The following ARHGEF19 variants were observed in gnomAD, a reference collection of about 807,000 sequenced individuals.
ARHGEF19 encodes Rho guanine nucleotide exchange factor (GEF) 19.
ARHGEF19 carries 92 observed loss-of-function variants against 87.6 expected under a neutral mutation model. That is an observed-to-expected ratio of 1.05 (90% CI 0.89 to 1.25). ARHGEF19 has a LOEUF of 1.25. ARHGEF19 is among the 50% of genes most tolerant of loss of function. The pLI is 0.00. For synonymous variants in ARHGEF19, 438 were observed against 446.2 expected (o/e 0.98, Z 0.23); for missense variants, 1,054 against 1,051.8 (o/e 1.00, Z -0.03).
intron 1 of ARHGEF19, among the ~76,000 whole-genome samples, chr1:16,211,550 G>A (rs1288618922): frequency 6.6e-6 from 1 of 152,184 alleles, no homozygotes; most frequent in African/African-American, 2.4e-5. Flanking sequence ...TGGGGAGAGG[G>A]GACATAGAAG....
chr1:16,204,627 G>A (rs992124972), intron 12 of ARHGEF19, 132 bp downstream of exon 12: 17 of 1,105,830 alleles, frequency 1.5e-5, no homozygotes, highest in East Asian at 2.7e-5. Context: ...AAATCTCAGG[G>A]TGCCCTGGCA....
At position 16,201,835 on chromosome 1, in the gene ARHGEF19, G is replaced by A. The variant is rs1306386811; in HGVS notation, c.2093C>T (p.Ala698Val). ...CTCCTGGGGGCTGGAGGGGCACAAG[G>A]CTGAGATCCATCGCTGCTTCTCACT... The part of the protein sequence containing the change: ...TESEKQRWIS[A>V]LCPSSPQEDK... The change falls in exon 14 of 16, where the codon GCC (alanine) becomes GTC (valine). Residue 698 changes from alanine to valine, a missense_variant. By Grantham distance (64) the Ala-to-Val change is moderately conservative. Transcript: ENST00000270747. The A allele has an allele frequency of 6.2e-7, 1 of 1,613,772 alleles. No individual in the cohort carries two copies. Among genetic ancestry groups the A allele is most frequent in the African/African-American group, 1.3e-5 (1 of 74,922 alleles).
At position 16,207,131 on chromosome 1, in the gene ARHGEF19, C is replaced by A; in HGVS notation, c.954G>T (p.Gly318=). 2 of 1,524,246 alleles carry A rather than the reference C, an allele frequency of 1.3e-6. No homozygotes were observed. The highest frequency in any genetic ancestry group is 1.8e-6 in the Non-Finnish European group (2 of 1,139,606). 94.4% of individuals were successfully genotyped at this position (1,524,246 alleles called of 1,614,324 possible). A position where few individuals can be genotyped will look rare whatever the true frequency, so the allele number is the denominator to read the frequency against. The change falls in exon 6 of 16, where the codon GGG becomes GGT. Residue 318 remains glycine, a synonymous_variant. Coordinates refer to ENST00000270747, the MANE Select transcript of ARHGEF19 (RefSeq NM_153213.5). The surrounding 1 kb of genome is among the most constrained non-coding windows in gnomAD (Gnocchi z 4.0). ...CCTCCTCTGCGCCCTCGGCCTCGTC[C>A]CCCGGGCCCTCCTCCTCGCGCTGCT... is the stretch of plus-strand genomic sequence containing the variant. ...RRQQREEEGP[G]DEAEGAEEGP...
At position 16,205,143 on chromosome 1, in the gene ARHGEF19, T is replaced by G; in HGVS notation, c.1690A>C (p.Met564Leu). ...TGGATGAGTTCCTCTGTCCTCTTCA[T>G]GGACTGTACACTAGCATTGCACTCC... Reference protein sequence around the residue: ...VQECNASVQSMKRTEELIHLS... With the variant: ...VQECNASVQSLKRTEELIHLS... Residue 564 changes from methionine (M) to leucine (L), a missense_variant, in exon 11 of 16, where the codon ATG becomes CTG. Transcript: ENST00000270747. The surrounding 1 kb of genome is among the most constrained non-coding windows in gnomAD (Gnocchi z 5.8). The G allele has an allele frequency of 6.2e-7, 1 of 1,604,326 alleles. No individual in the cohort carries two copies. The highest frequency in any genetic ancestry group is 8.5e-7 in the Non-Finnish European group (1 of 1,175,450).
At chr1:16,208,586 C>A in intron 2 of ARHGEF19, 57 bp downstream of exon 2, 1 of 1,524,888 alleles carries the variant, frequency 6.6e-7, no homozygotes, top group Non-Finnish European at 8.7e-7. Context: ...AGCTGCCCAG[C>A]CCCTCCCCTA....
At position 16,208,208 on chromosome 1, in the gene ARHGEF19, A is replaced by T; in HGVS notation, c.430T>A (p.Tyr144Asn). The change falls in exon 3 of 16, where the codon TAC (tyrosine) becomes AAC (asparagine). Residue 144 changes from tyrosine to asparagine, a missense_variant. Transcript: ENST00000270747. ...KKSAWRKMRV[Y>N]QREEVPGCPE... ...CAGCCGGGGACCTCTTCACGCTGGT[A>T]CACCCGCATCTTGCGCCCTAGGGTT... 6.2e-7 allele frequency: 1 copy of T among 1,612,848 alleles called. No individual in the cohort carries two copies. The highest frequency in any genetic ancestry group is 1.7e-4 in the Middle Eastern group (1 of 6,028).
rs767807844 is a variant in ARHGEF19, at chr1:16,207,700, G to C, written c.772C>G (p.Arg258Gly). The change falls in exon 4 of 16, where the codon CGA becomes GGA. Residue 258 changes from arginine (R) to glycine (G), a missense_variant. Arg to Gly is a moderately radical substitution (Grantham distance 125). Coordinates refer to ENST00000270747, the MANE Select transcript of ARHGEF19 (RefSeq NM_153213.5). The surrounding 1 kb of genome is among the most constrained non-coding windows in gnomAD (Gnocchi z 4.0). ...RVSRPAPGDS[R>G]EGDWSEPRLD... ...CTGGGCTCGGACCAATCGCCCTCTC[G>C]TGAGTCACCAGGGGCTGGCCGCGAC... is the stretch of plus-strand genomic sequence containing the variant. 1.2e-6 allele frequency: 2 copies of C among 1,614,022 alleles called. No homozygotes were observed. The highest frequency in any genetic ancestry group is 3.3e-5 in the Admixed American group (2 of 60,032).
At chr1:16,210,115 C>T (rs1356804951) in intron 1 of ARHGEF19, among the ~76,000 whole-genome samples, 7 of 152,274 alleles carry the variant, frequency 4.6e-5, no homozygotes, top group Non-Finnish European at 8.8e-5. Context: ...GGCCCTCTGC[C>T]AGCCTCCCTC....
Position 16,208,983 on chromosome 1 carries a change from T to C in ARHGEF19, c.72A>G (p.Val24=). The part of the protein sequence containing the change: ...TGPPGTAHHP[V]AVCQQESLSF... Reference sequence around the variant, plus strand: ...ACAGACTCTCCTGCTGGCACACTGCTACAGGGTGGTGGGCAGTGCCAGGTG... The same window carrying C: ...ACAGACTCTCCTGCTGGCACACTGCCACAGGGTGGTGGGCAGTGCCAGGTG... Residue 24 remains valine, a synonymous_variant, in exon 2 of 16, where the codon GTA becomes GTG. Transcript: ENST00000270747. 1 of 1,538,476 alleles carries C rather than the reference T, an allele frequency of 6.5e-7. No individual in the cohort carries two copies. The highest frequency in any genetic ancestry group is 8.7e-7 in the Non-Finnish European group (1 of 1,143,990).
At chr1:16,199,386 G>A (rs2081066538) in intron 14 of ARHGEF19, 132 bp from the exon 15 acceptor site, 4 of 719,938 alleles carry the variant, frequency 5.6e-6, no homozygotes, top group Non-Finnish European at 7.3e-6. Flanking sequence ...CTATTCCTCT[G>A]CCACTGCCAT....
chr1:16,207,363 A>G lies in ARHGEF19; in HGVS notation c.875-153T>C, dbSNP rs547627574. On this transcript the variant is annotated intron_variant, in intron 5 of 15. Coordinates refer to ENST00000270747, the MANE Select transcript of ARHGEF19 (RefSeq NM_153213.5). This position sits in a 1 kb window ranked among gnomAD's most constrained non-coding sequence, Gnocchi z 4.0. The stretch of plus-strand genomic sequence containing the variant: ...TCATTCATTCATTCATTCATTCCAT[A>G]AACAAATTGAGCACCTACTGAGTGC... Among the ~76,000 whole-genome samples the G allele has an allele frequency of 1.3e-5, 2 of 152,296 alleles. No homozygotes were observed. Among genetic ancestry groups the G allele is most frequent in the South Asian group, 4.1e-4 (2 of 4,824 alleles).
rs1443933842 is a variant in ARHGEF19 at position 16,204,844 on chromosome 1, C to T, written c.1822G>A (p.Ala608Thr). The part of the protein sequence containing the change: ...ELVELAPLPA[A>T]PPAKLKLSSK... ...GACAGCTTCAGCTTGGCAGGGGGTG[C>T]TGCAGGCAGTGGTGCCAGCTCTACC... Residue 608 changes from alanine to threonine, a missense_variant, in exon 12 of 16, where the codon GCA (alanine) becomes ACA (threonine). Transcript: ENST00000270747. 5 of 1,606,598 alleles carry T rather than the reference C, an allele frequency of 3.1e-6. No homozygotes were observed. In the Admixed American group the frequency reaches 8.5e-5, roughly 27 times the overall value.
In ARHGEF19 at chr1:16,207,380, A is replaced by C. The variant is rs2081150142; in HGVS notation, c.874+142T>G. ...CATTCCATAAACAAATTGAGCACCT[A>C]CTGAGTGCTAGATACCGACAGTTCC... On this transcript the variant is annotated intron_variant, in intron 5 of 15. Coordinates refer to ENST00000270747, the MANE Select transcript of ARHGEF19 (RefSeq NM_153213.5). The surrounding 1 kb of genome is among the most constrained non-coding windows in gnomAD (Gnocchi z 4.0). The C allele has an allele frequency of 3.0e-6, 4 of 1,326,676 alleles. No individual in the cohort carries two copies. Among genetic ancestry groups the C allele is most frequent in the Non-Finnish European group, 4.1e-6 (4 of 975,762 alleles). The allele number at this position is 1,326,676 out of a possible 1,614,324, so 82.2% of individuals were successfully genotyped here. A position where few individuals can be genotyped will look rare whatever the true frequency, so the allele number is the denominator to read the frequency against.
intron 1 of ARHGEF19, 70 bp from the exon 2 acceptor site, chr1:16,209,153 G>T: frequency 1.6e-6 from 2 of 1,243,122 alleles, no homozygotes; most frequent in Non-Finnish European, 2.1e-6. Flanking sequence ...CACCCCTGGA[G>T]GCCTGGACAA....
chr1:16,204,895 G>A lies in ARHGEF19; in HGVS notation c.1771C>T (p.Arg591Cys), dbSNP rs750264972. 2.4e-5 allele frequency: 38 copies of A among 1,602,996 alleles called. No individual in the cohort carries two copies. The highest frequency in any genetic ancestry group is 6.8e-5 in the Admixed American group (4 of 58,442). The change falls in exon 12 of 16, where the codon CGC becomes TGC. Residue 591 changes from arginine to cysteine, a missense_variant. By Grantham distance (180) the Arg-to-Cys change is radical. Transcript: ENST00000270747. The stretch of plus-strand genomic sequence containing the variant: ...AACTCTCCATGCCGAACCAGCCAGC[G>A]GGCCTGAGAGATCAGCGGGAAAATC... ...GKIFPLISQA[R>C]WLVRHGELVE...
chr1:16,208,740 A>T lies in ARHGEF19; in HGVS notation c.315T>A (p.Cys105Ter), dbSNP rs1384856990. The T allele has an allele frequency of 1.2e-6, 2 of 1,611,448 alleles. No individual in the cohort carries two copies. Among genetic ancestry groups the T allele is most frequent in the Non-Finnish European group, 1.7e-6 (2 of 1,179,194 alleles). ...RPSRAGSWPH[C>*]PGAQPPALEG... ...CCAGAGCTGGGGGCTGGGCACCAGGACAGTGTGGCCAGCTGCCAGCCCTGC... is the reference window on the plus strand; with the variant it reads ...CCAGAGCTGGGGGCTGGGCACCAGGTCAGTGTGGCCAGCTGCCAGCCCTGC... The change falls in exon 2 of 16, where the codon TGT (cysteine) becomes TGA (stop). Residue 105 changes from cysteine to a stop codon, truncating the protein, a stop_gained. Coordinates refer to ENST00000270747, the MANE Select transcript of ARHGEF19 (RefSeq NM_153213.5). LOFTEE classifies it high-confidence loss of function.
In ARHGEF19 at chr1:16,205,302, T is replaced by C; in HGVS notation, c.1656+49A>G. 3.1e-6 allele frequency: 5 copies of C among 1,612,048 alleles called. No homozygotes were observed. Among genetic ancestry groups the C allele is most frequent in the East Asian group, 2.2e-5 (1 of 44,832 alleles). On this transcript the variant is annotated intron_variant, in intron 10 of 15. Transcript: ENST00000270747. This position sits in a 1 kb window ranked among gnomAD's most constrained non-coding sequence, Gnocchi z 5.8. ...GGCTGTTTTAGAGACGTGCTGGGGG[T>C]CCAGGGGGGGCCTCAGGAGCCAAGC...
At position 16,201,772 on chromosome 1, in the gene ARHGEF19, G is replaced by A. The variant is rs1337564903; in HGVS notation, c.2146+10C>T. On this transcript the variant is annotated intron_variant, in intron 14 of 15. Coordinates refer to ENST00000270747, the MANE Select transcript of ARHGEF19 (RefSeq NM_153213.5). ...GCCCAGGGATGTAAGCAGCAGGGATGAGCTACTACCTTCCCCCTCACTGAT... is the reference window on the plus strand; with the variant it reads ...GCCCAGGGATGTAAGCAGCAGGGATAAGCTACTACCTTCCCCCTCACTGAT... The A allele has an allele frequency of 2.5e-6, 4 of 1,612,928 alleles. 1 individual carries two copies. The highest frequency in any genetic ancestry group is 3.4e-6 in the Non-Finnish European group (4 of 1,179,388).
At chr1:16,208,247 G>T in intron 2 of ARHGEF19, 22 bp from the exon 3 acceptor site, 1 of 1,605,336 alleles carries the variant, frequency 6.2e-7, no homozygotes, top group Non-Finnish European at 8.5e-7. Flanking sequence ...GGCAAGGAGT[G>T]AGAGCACGGG....
Sources: gnomAD v4.1 joint callset for allele counts (sites outside exome capture counted in the v4.1 genomes callset) on GRCh38, gnomAD v4.1.1 for gene constraint, Gnocchi (gnomAD v3.1) non-coding constraint, MANE v1.5 for transcripts, NCBI Gene and HGNC (gene_info 2026-07-23, HGNC 2026-07-21) for gene names.